TOP6BL: variants seen among roughly 807,000 people sequenced by gnomAD.
TOP6BL encodes type 2 DNA topoisomerase 6 subunit B-like.
the TOP6BL span, chr11:66,758,554 T>G: frequency 6.6e-6 from 1 of 152,248 alleles, no homozygotes; most frequent in Non-Finnish European, 1.5e-5. Context: ...GACCTTGTGA[T>G]CCGCCCACCT....
chr11:66,821,286 A>ATT, the TOP6BL span, among the ~76,000 whole-genome samples: 1 of 106,334 alleles, frequency 9.4e-6, no homozygotes. Flanking sequence ...ACATCTGGTA[A>ATT]TTTTTTTTTT....
chr11:66,811,384 G>T, the TOP6BL span, among the ~76,000 whole-genome samples: 20 of 152,186 alleles, frequency 1.3e-4, no homozygotes, highest in Admixed American at 1.2e-3. Context: ...TAGAGACAGG[G>T]TTTCGCCATG....
At chr11:66,771,977 TAGTG>T in the TOP6BL span, among the ~76,000 whole-genome samples, 1 of 152,148 alleles carries the variant, frequency 6.6e-6, no homozygotes, top group Admixed American at 6.6e-5. Flanking sequence ...CTGCCATAGA[TAGTG>T]AGTAGAGTCA....
At chr11:66,748,313 T>G in the TOP6BL span, 6 of 1,254,212 alleles carry the variant, frequency 4.8e-6, no homozygotes, top group Non-Finnish European at 6.6e-6. Context: ...AACTGGGTCA[T>G]AGAGATGTAT....
chr11:66,809,094 G>A, the TOP6BL span, among the ~76,000 whole-genome samples: 2 of 152,228 alleles, frequency 1.3e-5, no homozygotes, highest in South Asian at 2.1e-4. Flanking sequence ...ACAGGCACCC[G>A]CCACCACGCC....
At chr11:66,775,449 T>A in the TOP6BL span, among the ~76,000 whole-genome samples, 1 of 152,182 alleles carries the variant, frequency 6.6e-6, no homozygotes, top group Non-Finnish European at 1.5e-5. Context: ...AGATTTATAT[T>A]TTTTGCCCTA....
At chr11:66,761,782 G>T in the TOP6BL span, 1 of 800,092 alleles carries the variant, frequency 1.2e-6, no homozygotes, top group Admixed American at 1.7e-5. Context: ...CAAACTCGCT[G>T]GTGGACCAAA....
At chr11:66,789,528 T>G in the TOP6BL span, among the ~76,000 whole-genome samples, 10 of 152,286 alleles carry the variant, frequency 6.6e-5, no homozygotes, top group East Asian at 1.9e-3. Flanking sequence ...CCTTATCTTC[T>G]TTAGGAGAAT....
the TOP6BL span, among the ~76,000 whole-genome samples, chr11:66,745,776 C>T: frequency 8.6e-5 from 13 of 151,776 alleles, 1 homozygote; most frequent in African/African-American, 3.1e-4. Context: ...GTCATACCGA[C>T]ATGAGAATAT....
the TOP6BL span, chr11:66,762,277 G>C: frequency 2.1e-6 from 1 of 483,196 alleles, no homozygotes; most frequent in South Asian, 2.1e-5. Flanking sequence ...CAGCCTGAAG[G>C]GCGGGCGCAC....
the TOP6BL span, among the ~76,000 whole-genome samples, chr11:66,781,727 T>C: frequency 2.6e-5 from 4 of 152,002 alleles, no homozygotes; most frequent in South Asian, 2.1e-4. Context: ...TTTGTAGAGA[T>C]GAGTCTTTCC....
At chr11:66,765,194 C>A in the TOP6BL span, among the ~76,000 whole-genome samples, 10 of 152,272 alleles carry the variant, frequency 6.6e-5, 1 homozygote, top group South Asian at 2.1e-3. Context: ...TAGGGAGTAT[C>A]ATTTATGGGT....
chr11:66,821,521 C>T, the TOP6BL span: 1,082 of 1,079,648 alleles, frequency 1.0e-3, 8 homozygotes, highest in African/African-American at 0.012. Context: ...GTGATCCGCC[C>T]GCCTCGGCCT....
the TOP6BL span, among the ~76,000 whole-genome samples, chr11:66,756,017 A>G: frequency 6.6e-5 from 10 of 152,238 alleles, no homozygotes; most frequent in Non-Finnish European, 7.3e-5. Context: ...TTTGGGGGAC[A>G]TAGTTCAACC....
At chr11:66,809,973 G>C in the TOP6BL span, among the ~76,000 whole-genome samples, 1 of 152,108 alleles carries the variant, frequency 6.6e-6, no homozygotes, top group Non-Finnish European at 1.5e-5. Context: ...TGAACCCTAA[G>C]TGTAAGAAAT....
At chr11:66,793,092 GT>G in the TOP6BL span, among the ~76,000 whole-genome samples, 36,253 of 145,832 alleles carry the variant, frequency 0.25, 4,296 homozygotes, top group Middle Eastern at 0.33. Flanking sequence ...TGGTAATAAT[GT>G]TTTTTTTTTT....
the TOP6BL span, chr11:66,839,049 A>G: frequency 2.2e-6 from 1 of 449,848 alleles, no homozygotes; most frequent in Non-Finnish European, 4.5e-6. Context: ...TGTCACTCTT[A>G]ATGTGTGTTA....
chr11:66,761,950 C>T, the TOP6BL span: 3 of 1,552,014 alleles, frequency 1.9e-6, no homozygotes, highest in Non-Finnish European at 2.7e-6. Context: ...GGGTCTTCAA[C>T]CTTCTGCCCT....
the TOP6BL span, among the ~76,000 whole-genome samples, chr11:66,772,447 G>A: frequency 1.3e-5 from 2 of 148,958 alleles, no homozygotes; most frequent in Admixed American, 6.7e-5. Context: ...CTCCAGCCTC[G>A]GAGACAGAGC....
Sources: gnomAD v4.1 joint callset for allele counts (sites outside exome capture counted in the v4.1 genomes callset) on GRCh38, gnomAD v4.1.1 for gene constraint, MANE v1.5 for transcripts, NCBI Gene and HGNC (gene_info 2026-07-23, HGNC 2026-07-21) for gene names.